Variants in NCOA6 observed in about 807,000 individuals in gnomAD.
NCOA6 encodes the protein NRC RAP250.
In NCOA6, 49 loss-of-function variants were observed where a neutral mutation model predicts 171.4. The observed-to-expected ratio is 0.29, with a 90% CI of 0.23 to 0.36. The LOEUF (loss-of-function observed/expected upper bound fraction) is 0.36. NCOA6 is among the 10% of genes least tolerant of loss of function. The pLI, the probability that NCOA6 is intolerant of heterozygous loss-of-function variation, is 1.00. For missense variants in NCOA6, 2,248 were observed against 2,554.5 expected (o/e 0.88, Z 2.59); for synonymous variants, 910 against 927.5 (o/e 0.98, Z 0.34).
chr20:34,813,976 C>T (rs2078752351), intron 1 of NCOA6, among the ~76,000 whole-genome samples: 1 of 151,782 alleles, frequency 6.6e-6, no homozygotes, highest in South Asian at 2.1e-4. Flanking sequence ...GGAATATATT[C>T]TAAGAAAAAA....
intron 4 of NCOA6, among the ~76,000 whole-genome samples, chr20:34,770,272 T>C (rs565407190): frequency 6.6e-6 from 1 of 152,184 alleles, no homozygotes; most frequent in Admixed American, 6.5e-5. Flanking sequence ...TCTTTTGACC[T>C]TGTGATCCGC....
chr20:34,715,577 G>T (rs1210233204), intron 14 of NCOA6, among the ~76,000 whole-genome samples: 1 of 152,196 alleles, frequency 6.6e-6, no homozygotes, highest in African/African-American at 2.4e-5. Context: ...ATTGGAATGT[G>T]ACAGAGGTGG....
chr20:34,782,541 G>A (rs71349774), intron 2 of NCOA6, 137 bp from the exon 3 acceptor site: 6,569 of 258,192 alleles, frequency 0.025, 119 homozygotes, highest in Non-Finnish European at 0.036. Flanking sequence ...GAGAAGATAA[G>A]CTATTTTAAT....
intron 1 of NCOA6, among the ~76,000 whole-genome samples, chr20:34,795,348 A>G (rs2078028710): frequency 6.6e-6 from 1 of 152,216 alleles, no homozygotes; most frequent in Non-Finnish European, 1.5e-5. Context: ...ACTCAGCAAC[A>G]ATCAGAGTGA....
intron 1 of NCOA6, among the ~76,000 whole-genome samples, chr20:34,792,776 A>ATTTTTT (rs35924752): frequency 3.6e-5 from 4 of 112,318 alleles, no homozygotes; most frequent in Non-Finnish European, 7.0e-5. Context: ...ATCTTTTCTG[A>ATTTTTT]TTTTTTTTTT....
chr20:34,753,817 G>C (rs978624498), intron 8 of NCOA6, among the ~76,000 whole-genome samples: 1 of 152,058 alleles, frequency 6.6e-6, no homozygotes, highest in Non-Finnish European at 1.5e-5. Context: ...TCAGATTTTT[G>C]TCTCATTCCT....
At chr20:34,803,744 C>T (rs1370319786) in intron 1 of NCOA6, among the ~76,000 whole-genome samples, 1 of 151,948 alleles carries the variant, frequency 6.6e-6, no homozygotes, top group Non-Finnish European at 1.5e-5. Context: ...ACTTGTAACC[C>T]CAGCACTTTA....
chr20:34,718,379 G>GA (rs1988865297), intron 14 of NCOA6, among the ~76,000 whole-genome samples: 1 of 151,562 alleles, frequency 6.6e-6, no homozygotes, highest in African/African-American at 2.4e-5. Context: ...AAATCTGTCT[G>GA]AAAAAAACAT....
chr20:34,796,200 G>C (rs982945629), intron 1 of NCOA6, among the ~76,000 whole-genome samples: 6 of 151,494 alleles, frequency 4.0e-5, no homozygotes, highest in African/African-American at 1.5e-4. Context: ...TGTAGAGATA[G>C]GGTCTCCCTA....
At chr20:34,725,198 T>G (rs1600735439) in intron 14 of NCOA6, among the ~76,000 whole-genome samples, 1 of 152,256 alleles carries the variant, frequency 6.6e-6, no homozygotes, top group African/African-American at 2.4e-5. Context: ...GGTACATCTC[T>G]GTATTTGGCA....
At chr20:34,743,390 A>C (rs1448304396) in intron 10 of NCOA6, 49 bp from the exon 11 acceptor site, 10 of 1,545,086 alleles carry the variant, frequency 6.5e-6, no homozygotes, top group Non-Finnish European at 7.9e-6. Context: ...CAGCAAGAAA[A>C]TGTTGCTACC....
intron 1 of NCOA6, among the ~76,000 whole-genome samples, chr20:34,793,943 T>C (rs2077980572): frequency 1.3e-5 from 2 of 152,152 alleles, no homozygotes; most frequent in Non-Finnish European, 1.5e-5. Context: ...ACATTCAACA[T>C]ATGAAAAGAT....
intron 7 of NCOA6, among the ~76,000 whole-genome samples, 173 bp downstream of exon 7, chr20:34,757,047 T>C (rs1007885247): frequency 6.6e-6 from 1 of 152,260 alleles, no homozygotes; most frequent in African/African-American, 2.4e-5. Flanking sequence ...ACCAGTAAGA[T>C]GCTGCATAAC....
Position 34,762,291 on chromosome 20 carries a change from ATCTT to A in NCOA6, c.515-3362_515-3359del, listed in dbSNP as rs200226478. On this transcript the variant is annotated intron_variant, in intron 5 of 14. Transcript: ENST00000359003. ...TAATAATCACCTTGTTAATCTTTCTATCTTTCTAACTTTGAACCTTCTGAGTCCT... is the reference window on the plus strand; with the variant it reads ...TAATAATCACCTTGTTAATCTTTCTATCTAACTTTGAACCTTCTGAGTCCT... 4.6e-5 allele frequency among the ~76,000 whole-genome samples: 7 copies of A among 152,148 alleles called. No homozygotes were observed. In the South Asian group the frequency reaches 1.2e-3, roughly 27 times the overall value.
intron 4 of NCOA6, among the ~76,000 whole-genome samples, chr20:34,772,292 C>T (rs2077173545): frequency 1.4e-5 from 2 of 146,418 alleles, no homozygotes; most frequent in South Asian, 4.3e-4. Flanking sequence ...CCAACCTAGG[C>T]AACACAGTGA....
At chr20:34,749,006 T>C (rs1600840890) in intron 9 of NCOA6, among the ~76,000 whole-genome samples, 1 of 152,282 alleles carries the variant, frequency 6.6e-6, no homozygotes, top group East Asian at 1.9e-4. Context: ...TACCAGCCAA[T>C]TGCAACATAT....
intron 1 of NCOA6, chr20:34,809,638 T>C (rs2078585676): frequency 2.6e-6 from 1 of 390,492 alleles, no homozygotes. Flanking sequence ...AAATTCCTTC[T>C]CTCTACCACT....
chr20:34,816,389 C>CCTACTAGTAGTCA (rs2078835934), intron 1 of NCOA6, among the ~76,000 whole-genome samples: 1 of 151,954 alleles, frequency 6.6e-6, no homozygotes, highest in Non-Finnish European at 1.5e-5. Flanking sequence ...TAGGGTGGGA[C>CCTACTAGTAGTCA]CTACTAGTGA....
At chr20:34,793,264 AT>A (rs1367147737) in intron 1 of NCOA6, among the ~76,000 whole-genome samples, 2 of 152,226 alleles carry the variant, frequency 1.3e-5, no homozygotes, top group Non-Finnish European at 2.9e-5. Flanking sequence ...CTATCTGCAT[AT>A]GCTTAGAGCC....
Sources: gnomAD v4.1 joint callset for allele counts (sites outside exome capture counted in the v4.1 genomes callset) on GRCh38, gnomAD v4.1.1 for gene constraint, MANE v1.5 for transcripts, NCBI Gene and HGNC (gene_info 2026-07-23, HGNC 2026-07-21) for gene names.